KCNIP4: variants seen among roughly 807,000 people sequenced by gnomAD.
KCNIP4 encodes Kv channel-interacting protein 4.
In KCNIP4, 12 loss-of-function variants were observed where a neutral mutation model predicts 34.0. The observed-to-expected ratio is 0.35, with a 90% CI of 0.23 to 0.57. KCNIP4 has a LOEUF of 0.57. Among genes scored for constraint, KCNIP4 ranks in the 20% least tolerant of loss-of-function variants. The pLI, the probability that KCNIP4 is intolerant of heterozygous loss-of-function variation, is 0.83. For missense variants in KCNIP4, 238 were observed against 311.7 expected, an observed-to-expected ratio of 0.76 and a Z score of 1.78; for synonymous variants, 124 against 102.2, an observed-to-expected ratio of 1.21 and a Z score of -1.29.
At chr4:21,815,596 G>C (rs987328534) in intron 1 of KCNIP4, among the ~76,000 whole-genome samples, 3 of 152,066 alleles carry the variant, frequency 2.0e-5, no homozygotes, top group Non-Finnish European at 4.4e-5. Flanking sequence ...CTGTGGGTGT[G>C]CAGACTGACA....
intron 1 of KCNIP4, among the ~76,000 whole-genome samples, chr4:21,193,559 T>C (rs986240637): frequency 2.0e-5 from 3 of 147,434 alleles, no homozygotes; most frequent in South Asian, 2.2e-4. Context: ...GGATCACTTA[T>C]TGCAATTTTA....
chr4:21,742,935 C>T (rs1482275473), intron 1 of KCNIP4, among the ~76,000 whole-genome samples: 2 of 152,036 alleles, frequency 1.3e-5, no homozygotes, highest in Non-Finnish European at 1.5e-5. Context: ...TTCTATAATA[C>T]ACACGCATTT....
chr4:21,657,179 A>G (rs1319816536), intron 1 of KCNIP4, among the ~76,000 whole-genome samples: 1 of 152,222 alleles, frequency 6.6e-6, no homozygotes, highest in Admixed American at 6.5e-5. Flanking sequence ...GAGACTTTTC[A>G]ACGCTGCTCT....
intron 1 of KCNIP4, among the ~76,000 whole-genome samples, chr4:21,678,693 C>G (rs1750109353): frequency 6.6e-6 from 1 of 152,100 alleles, no homozygotes; most frequent in African/African-American, 2.4e-5. Flanking sequence ...AATTTGTGTT[C>G]CCAGATATTT....
chr4:20,906,060 C>T (rs374584027), intron 1 of KCNIP4, among the ~76,000 whole-genome samples: 13 of 150,378 alleles, frequency 8.6e-5, no homozygotes, highest in African/African-American at 3.2e-4. Context: ...TTCCTCCCTC[C>T]CTCCCTCCCT....
intron 1 of KCNIP4, among the ~76,000 whole-genome samples, chr4:21,299,310 T>C (rs888484052): frequency 1.3e-5 from 2 of 152,088 alleles, no homozygotes; most frequent in African/African-American, 2.4e-5. Context: ...TAAGTGAAGC[T>C]GTGATTAGAA....
chr4:20,956,779 C>T (rs1307939339), intron 1 of KCNIP4, among the ~76,000 whole-genome samples: 1 of 152,102 alleles, frequency 6.6e-6, no homozygotes, highest in East Asian at 1.9e-4. Flanking sequence ...TTACAAAAAA[C>T]CAATGGCCGC....
At chr4:21,587,387 T>C (rs187161032) in intron 1 of KCNIP4, among the ~76,000 whole-genome samples, 183 of 152,152 alleles carry the variant, frequency 1.2e-3, no homozygotes, top group Non-Finnish European at 2.2e-3. Flanking sequence ...CTTTTCATTT[T>C]AACATAACCC....
At chr4:21,342,285 G>C (rs375371018) in intron 1 of KCNIP4, among the ~76,000 whole-genome samples, 1 of 152,104 alleles carries the variant, frequency 6.6e-6, no homozygotes, top group Non-Finnish European at 1.5e-5. Flanking sequence ...GGATGAAAGA[G>C]AGACAAAAGA....
intron 1 of KCNIP4, among the ~76,000 whole-genome samples, chr4:21,066,520 C>T (rs903597652): frequency 6.6e-5 from 10 of 152,110 alleles, no homozygotes; most frequent in Admixed American, 6.6e-5. Context: ...CCCCATCCCC[C>T]GCATCCCCCT....
At chr4:20,957,050 T>C (rs1733385575) in intron 1 of KCNIP4, among the ~76,000 whole-genome samples, 1 of 150,470 alleles carries the variant, frequency 6.6e-6, no homozygotes, top group Non-Finnish European at 1.5e-5. Flanking sequence ...AAAGAAAGAA[T>C]AGAAAAAGAA....
At chr4:21,644,204 A>T (rs1289527637) in intron 1 of KCNIP4, among the ~76,000 whole-genome samples, 1 of 152,144 alleles carries the variant, frequency 6.6e-6, no homozygotes, top group African/African-American at 2.4e-5. Flanking sequence ...GTCAGTTTGG[A>T]TTCTACAATT....
At chr4:21,418,725 C>T (rs1032989509) in intron 1 of KCNIP4, among the ~76,000 whole-genome samples, 3 of 152,074 alleles carry the variant, frequency 2.0e-5, no homozygotes, top group African/African-American at 4.8e-5. Context: ...TCTATGTCTC[C>T]GAAGCTCTCT....
chr4:21,225,019 T>G (rs1758275007), intron 1 of KCNIP4, among the ~76,000 whole-genome samples: 1 of 152,222 alleles, frequency 6.6e-6, no homozygotes, highest in South Asian at 2.1e-4. Context: ...TGCTCTAGTG[T>G]GGGCTACTGT....
chr4:21,512,007 G>C (rs7695055), intron 1 of KCNIP4, among the ~76,000 whole-genome samples: 121,606 of 150,046 alleles, frequency 0.81, 49,558 homozygotes, highest in East Asian at 0.99. Flanking sequence ...AAGGAAGTAA[G>C]GAGTAGGGAA....
At chr4:21,878,183 C>A (rs1443355636) in intron 1 of KCNIP4, among the ~76,000 whole-genome samples, 3 of 152,182 alleles carry the variant, frequency 2.0e-5, no homozygotes, top group African/African-American at 4.8e-5. Context: ...GCAAGTCATT[C>A]TCCTGCCTCA....
chr4:21,814,161 A>G (rs759541994), intron 1 of KCNIP4, among the ~76,000 whole-genome samples: 8 of 152,184 alleles, frequency 5.3e-5, no homozygotes. Flanking sequence ...TATAATTCAC[A>G]TATTTCTAAT....
At chr4:21,468,840 GC>G (rs2109798739) in intron 1 of KCNIP4, among the ~76,000 whole-genome samples, 1 of 152,120 alleles carries the variant, frequency 6.6e-6, no homozygotes, top group South Asian at 2.1e-4. Flanking sequence ...AATTATTCAA[GC>G]AAAACAGCTT....
At chr4:21,453,312 C>G (rs556728142) in intron 1 of KCNIP4, among the ~76,000 whole-genome samples, 5 of 152,042 alleles carry the variant, frequency 3.3e-5, no homozygotes, top group South Asian at 4.2e-4. Flanking sequence ...TATATTGAAC[C>G]CTTTATATGA....
Sources: gnomAD v4.1 joint callset for allele counts (sites outside exome capture counted in the v4.1 genomes callset) on GRCh38, gnomAD v4.1.1 for gene constraint, MANE v1.5 for transcripts, NCBI Gene and HGNC (gene_info 2026-07-23, HGNC 2026-07-21) for gene names.